Variants in PAX2 observed in about 807,000 individuals in gnomAD.
The protein encoded by PAX2 is paired box 2.
PAX2 carries 9 observed loss-of-function variants against 41.7 expected under a neutral mutation model. That is an observed-to-expected ratio of 0.22 (90% CI 0.13 to 0.38). The LOEUF is 0.38. Among genes scored for constraint, PAX2 ranks in the 10% least tolerant of loss-of-function variants. PAX2 has a pLI of 1.00. For missense variants in PAX2, 418 were observed against 531.6 expected (o/e 0.79, Z 2.10); for synonymous variants, 221 against 212.7 (o/e 1.04, Z -0.34).
At chr10:100,817,230 G>A (rs1189296025) in intron 7 of PAX2, among the ~76,000 whole-genome samples, 1 of 152,198 alleles carries the variant, frequency 6.6e-6, no homozygotes, top group Middle Eastern at 3.2e-3. Flanking sequence ...CTGGGAAGTT[G>A]CCAACTGGGA....
At chr10:100,762,382 C>T (rs1589826578) in intron 3 of PAX2, among the ~76,000 whole-genome samples, 2 of 152,202 alleles carry the variant, frequency 1.3e-5, no homozygotes, top group African/African-American at 2.4e-5. Flanking sequence ...GGACATTGTG[C>T]ATGCACGCCT....
chr10:100,824,968 CT>C lies in PAX2; in HGVS notation c.1021+221del. The C allele has an allele frequency of 1.2e-6, 2 of 1,614,024 alleles. No homozygotes were observed. The highest frequency in any genetic ancestry group is 1.7e-6 in the Non-Finnish European group (2 of 1,179,938). On this transcript the variant is annotated intron_variant, in intron 8 of 9. Coordinates refer to ENST00000355243, the MANE Select transcript of PAX2 (RefSeq NM_000278.5). The surrounding 1 kb of genome is among the most constrained non-coding windows in gnomAD (Gnocchi z 6.6). Reference sequence around the variant, plus strand: ...GGGAGGAAGCTTGCAGAAGTGCCCCCTTGTGTGCAACCCACTGTATGTCATG... The same window carrying C: ...GGGAGGAAGCTTGCAGAAGTGCCCCCTGTGTGCAACCCACTGTATGTCATG...
In PAX2 at chr10:100,750,998, T is replaced by C; in HGVS notation, c.410+107T>C. On this transcript the variant is annotated intron_variant, in intron 3 of 9. Coordinates refer to ENST00000355243, the MANE Select transcript of PAX2 (RefSeq NM_000278.5). This position sits in a 1 kb window ranked among gnomAD's most constrained non-coding sequence, Gnocchi z 4.1. ...CTCTTTGTCCAGCCTCTGCCCTTTC[T>C]CCCTGCTTCCAGCCCCAAATCCTTC... The C allele has an allele frequency of 4.5e-6, 4 of 882,610 alleles. No homozygotes were observed. The highest frequency in any genetic ancestry group is 7.5e-6 in the Non-Finnish European group (4 of 536,686). The allele number at this position is 882,610 out of a possible 1,614,324, so 54.7% of individuals were successfully genotyped here. A position where few individuals can be genotyped will look rare whatever the true frequency, so the allele number is the denominator to read the frequency against.
chr10:100,766,757 G>T (rs1278452239), intron 3 of PAX2, among the ~76,000 whole-genome samples: 1 of 152,046 alleles, frequency 6.6e-6, no homozygotes, highest in Non-Finnish European at 1.5e-5. Flanking sequence ...AAAGCTAAAG[G>T]ATGGATCCTC....
At chr10:100,755,079 C>T (rs1003295295) in intron 3 of PAX2, among the ~76,000 whole-genome samples, 1 of 152,240 alleles carries the variant, frequency 6.6e-6, no homozygotes, top group African/African-American at 2.4e-5. Context: ...CCTGTCCTTT[C>T]CCAGAGACAG....
At position 100,746,093 on chromosome 10, in the gene PAX2, C is replaced by A; in HGVS notation, c.-168C>A. On this transcript the variant is annotated 5_prime_UTR_variant, in exon 1 of 10. Coordinates refer to ENST00000355243, the MANE Select transcript of PAX2 (RefSeq NM_000278.5). ...TCCGGCCAACCCGGAGGAGCCCCAG[C>A]GGGGAGCGCAGTGCTGCGCCCCCCG... 5 of 1,518,238 alleles carry A rather than the reference C, an allele frequency of 3.3e-6. No individual in the cohort carries two copies. The highest frequency in any genetic ancestry group is 1.3e-5 in the South Asian group (1 of 77,576). 94.0% of individuals were successfully genotyped at this position (1,518,238 alleles called of 1,614,324 possible). A position where few individuals can be genotyped will look rare whatever the true frequency, so the allele number is the denominator to read the frequency against.
chr10:100,771,217 C>A (rs1019968436), intron 3 of PAX2, among the ~76,000 whole-genome samples: 5 of 152,208 alleles, frequency 3.3e-5, no homozygotes, highest in African/African-American at 1.2e-4. Flanking sequence ...ACCCTGGTAA[C>A]CTGGAACCTG....
In PAX2 at chr10:100,827,800, C is replaced by A. The variant is rs1016675564; in HGVS notation, c.*181C>A. 3 of 917,630 alleles carry A rather than the reference C, an allele frequency of 3.3e-6. No individual in the cohort carries two copies. Among genetic ancestry groups the A allele is most frequent in the Non-Finnish European group, 5.0e-6 (3 of 594,332 alleles). 56.8% of individuals were successfully genotyped at this position (917,630 alleles called of 1,614,324 possible). On this transcript the variant is annotated 3_prime_UTR_variant, in exon 10 of 10. Transcript: ENST00000355243. This position sits in a 1 kb window ranked among gnomAD's most constrained non-coding sequence, Gnocchi z 8.5. ...CACATCACCCCCCTCGAAGGTCGGA[C>A]AGGACGGGTGGAGCCGTGGGCGGGA...
chr10:100,739,393 C>T (rs1272012145), intron 1 of PAX2, among the ~76,000 whole-genome samples: 1 of 152,206 alleles, frequency 6.6e-6, no homozygotes, highest in African/African-American at 2.4e-5. Context: ...GCGCGCTCTC[C>T]GCCTGCTCCT....
rs1040369463 is a variant in PAX2, at chr10:100,824,572, C to G, written c.920-76C>G. On this transcript the variant is annotated intron_variant, in intron 7 of 9. Coordinates refer to ENST00000355243, the MANE Select transcript of PAX2 (RefSeq NM_000278.5). This position sits in a 1 kb window ranked among gnomAD's most constrained non-coding sequence, Gnocchi z 6.6. ...CTTTCCTCTCCAAGAGTTTCCTCTC[C>G]GTGCAGTACCCTGGTGTGAGTAGAG... 9.8e-7 allele frequency: 1 copy of G among 1,018,026 alleles called. No individual in the cohort carries two copies. The highest frequency in any genetic ancestry group is 1.6e-6 in the Non-Finnish European group (1 of 636,606). The allele number at this position is 1,018,026 out of a possible 1,614,324, so 63.1% of individuals were successfully genotyped here.
intron 5 of PAX2, among the ~76,000 whole-genome samples, chr10:100,805,023 TACACACACACACACACACACACACACAC>T (rs3978747): frequency 9.5e-5 from 9 of 94,954 alleles, no homozygotes; most frequent in African/African-American, 3.1e-4. Context: ...CTCTCTCACA[TACACACACACACACACACACACACACAC>T]ACACACACAC....
At chr10:100,800,048 G>C (rs370873188) in intron 5 of PAX2, among the ~76,000 whole-genome samples, 66 of 151,948 alleles carry the variant, frequency 4.3e-4, no homozygotes, top group Middle Eastern at 6.8e-3. Flanking sequence ...AGCCTCCCAA[G>C]GTGCTGGGAT....
At chr10:100,752,641 G>T (rs1413357261) in intron 3 of PAX2, among the ~76,000 whole-genome samples, 1 of 152,206 alleles carries the variant, frequency 6.6e-6, no homozygotes, top group Non-Finnish European at 1.5e-5. Context: ...CTTGTTGTCA[G>T]TAACAGAATT....
chr10:100,780,658 T>C (rs1187112145), intron 4 of PAX2, among the ~76,000 whole-genome samples: 1 of 152,078 alleles, frequency 6.6e-6, no homozygotes, highest in African/African-American at 2.4e-5. Context: ...CAAAAGCAGC[T>C]GAGAGAGAGA....
chr10:100,744,207 C>T (rs931113178), upstream of PAX2, among the ~76,000 whole-genome samples: 1 of 152,174 alleles, frequency 6.6e-6, no homozygotes, highest in African/African-American at 2.4e-5. Flanking sequence ...CGCGCTTCCG[C>T]GGGGCGCCCG....
At chr10:100,822,259 A>G (rs1160450585) in intron 7 of PAX2, among the ~76,000 whole-genome samples, 2 of 152,196 alleles carry the variant, frequency 1.3e-5, no homozygotes, top group African/African-American at 4.8e-5. Flanking sequence ...TAAAGTCACA[A>G]TATATGAGTC....
intron 5 of PAX2, among the ~76,000 whole-genome samples, chr10:100,804,755 A>C (rs150321617): frequency 5.3e-5 from 8 of 152,334 alleles, no homozygotes; most frequent in African/African-American, 1.7e-4. Flanking sequence ...TACTCACACA[A>C]AAGGGAAAAA....
At chr10:100,772,735 T>C (rs1391685540) in intron 3 of PAX2, among the ~76,000 whole-genome samples, 1 of 152,238 alleles carries the variant, frequency 6.6e-6, no homozygotes, top group African/African-American at 2.4e-5. Flanking sequence ...ATCCAGATAC[T>C]TGACATCTTG....
rs1478114060 is a variant in PAX2 at position 100,750,393 on chromosome 10, G to C, written c.213-301G>C. Among the ~76,000 whole-genome samples, 1 of 152,134 alleles carries C rather than the reference G, an allele frequency of 6.6e-6. No individual in the cohort carries two copies. The highest frequency in any genetic ancestry group is 1.9e-4 in the East Asian group (1 of 5,172). Reference sequence around the variant, plus strand: ...TCCCAGAGACCTTGCAGCGCTGTTCGTTTTGCTCTTCCCAAGTGAAAGGCT... The same window carrying C: ...TCCCAGAGACCTTGCAGCGCTGTTCCTTTTGCTCTTCCCAAGTGAAAGGCT... On this transcript the variant is annotated intron_variant, in intron 2 of 9. Coordinates refer to ENST00000355243, the MANE Select transcript of PAX2 (RefSeq NM_000278.5). This position sits in a 1 kb window ranked among gnomAD's most constrained non-coding sequence, Gnocchi z 4.1.
Sources: allele counts gnomAD v4.1 joint callset (sites outside exome capture counted in the v4.1 genomes callset), GRCh38; gene constraint gnomAD v4.1.1; non-coding constraint Gnocchi (gnomAD v3.1); transcripts MANE v1.5; gene names NCBI Gene and HGNC (gene_info 2026-07-23, HGNC 2026-07-21).